CFAP69: variants seen among roughly 807,000 people sequenced by gnomAD.
CFAP69 encodes cilia- and flagella-associated protein 69.
In CFAP69, 92 loss-of-function variants were observed where a neutral mutation model predicts 123.0. The ratio of observed to expected loss-of-function variants is 0.75; its 90% CI spans 0.63 to 0.89. The LOEUF (loss-of-function observed/expected upper bound fraction) is 0.89. Ranked by LOEUF, CFAP69 falls within the 40% of genes least tolerant of loss-of-function variation. The pLI, the probability that CFAP69 is intolerant of heterozygous loss-of-function variation, is 0.00. For missense variants in CFAP69, 1,067 were observed against 1,096.9 expected (o/e 0.97, Z 0.39); for synonymous variants, 380 against 364.3 (o/e 1.04, Z -0.49).
At chr7:90,288,624 T>C (rs1374329706) in intron 15 of CFAP69, among the ~76,000 whole-genome samples, 1 of 152,060 alleles carries the variant, frequency 6.6e-6, no homozygotes, top group Admixed American at 6.6e-5. Context: ...TAAACATACC[T>C]AAACATTAAA....
chr7:90,310,727 G>T lies in CFAP69; in HGVS notation c.*489G>T, dbSNP rs1193821359. The T allele has an allele frequency of 6.6e-6, 1 of 152,456 alleles. No homozygotes were observed. Among genetic ancestry groups the T allele is most frequent in the East Asian group, 1.9e-4 (1 of 5,208 alleles). The allele number at this position is 152,456 out of a possible 1,614,324, so 9.4% of individuals were successfully genotyped here. On this transcript the variant is annotated 3_prime_UTR_variant, in exon 23 of 23. Transcript: ENST00000389297. ...TTTCTGCAGCTGCCTATGCATCTCA[G>T]GACCCCTGATTGCCCACATGCCTAC...
chr7:90,306,198 C>T (rs138936020), intron 19 of CFAP69, among the ~76,000 whole-genome samples: 253 of 152,126 alleles, frequency 1.7e-3, no homozygotes, highest in African/African-American at 5.5e-3. Context: ...GTGATCCACC[C>T]ACTCCATTCA....
chr7:90,245,255 A>G lies in CFAP69; in HGVS notation c.-170A>G. 1 of 823,932 alleles carries G rather than the reference A, an allele frequency of 1.2e-6. No homozygotes were observed. The highest frequency in any genetic ancestry group is 1.7e-6 in the Non-Finnish European group (1 of 586,316). The allele number at this position is 823,932 out of a possible 1,614,324, so 51.0% of individuals were successfully genotyped here. On this transcript the variant is annotated 5_prime_UTR_variant, in exon 1 of 23. Transcript: ENST00000389297. ...GGGGGGCGGCAGCGGCGCTAAGCGG[A>G]CTGTATGGCGGTGGCCTAGGCCCCT... is the stretch of plus-strand genomic sequence containing the variant.
the CFAP69 span, among the ~76,000 whole-genome samples, chr7:90,323,254 C>T: frequency 9.9e-5 from 15 of 152,052 alleles, no homozygotes; most frequent in Admixed American, 9.8e-4. Flanking sequence ...CAAATAGAAT[C>T]TGGCAAAATG....
intron 5 of CFAP69, among the ~76,000 whole-genome samples, chr7:90,267,210 T>A (rs551074545): frequency 2.0e-5 from 3 of 152,298 alleles, no homozygotes; most frequent in Admixed American, 2.0e-4. Context: ...TTAAGTGATA[T>A]CTTTTGCAGA....
At chr7:90,323,179 C>T in the CFAP69 span, among the ~76,000 whole-genome samples, 39 of 152,184 alleles carry the variant, frequency 2.6e-4, no homozygotes, top group African/African-American at 9.1e-4. Context: ...GTGTCTACCC[C>T]CAAGTCAGTG....
At position 90,273,660 on chromosome 7, in the gene CFAP69, A is replaced by G. The variant is rs17865126; in HGVS notation, c.861-327A>G. On this transcript the variant is annotated intron_variant, in intron 8 of 22. Transcript: ENST00000389297. ...TAAAGTACCGTAAACTGGGTGGTTT[A>G]TAAACAACAGAAAGTTATTTTTCAG... 7.6e-3 allele frequency among the ~76,000 whole-genome samples: 1,159 copies of G among 152,328 alleles called. 13 individuals are homozygous for G. Among genetic ancestry groups the G allele is most frequent in the African/African-American group, 0.026 (1,063 of 41,568 alleles).
chr7:90,268,450 C>A, intron 6 of CFAP69, 66 bp downstream of exon 6: 1 of 1,221,884 alleles, frequency 8.2e-7, no homozygotes, highest in Non-Finnish European at 1.2e-6. Flanking sequence ...TCTCATATCT[C>A]TTTGAATTTG....
intron 17 of CFAP69, chr7:90,300,292 C>G (rs1247544252): frequency 2.4e-6 from 2 of 840,874 alleles, no homozygotes; most frequent in African/African-American, 8.2e-5. Context: ...TAATTATATT[C>G]TTTTAACTAA....
At chr7:90,270,119 A>G (rs1435378042) in intron 6 of CFAP69, 1 of 152,190 alleles carries the variant, frequency 6.6e-6, no homozygotes, top group Non-Finnish European at 1.5e-5. Flanking sequence ...AGTGATGGGT[A>G]TGGCCAGACA....
downstream of CFAP69, among the ~76,000 whole-genome samples, chr7:90,311,760 G>A (rs186478273): frequency 1.3e-5 from 2 of 152,180 alleles, no homozygotes; most frequent in Non-Finnish European, 2.9e-5. Flanking sequence ...CCTTAGATTG[G>A]CGGCTTCTCA....
intron 9 of CFAP69, among the ~76,000 whole-genome samples, chr7:90,274,413 G>A (rs1055280442): frequency 6.6e-6 from 1 of 152,096 alleles, no homozygotes; most frequent in Non-Finnish European, 1.5e-5. Flanking sequence ...GAAGAACTTT[G>A]TTTACAATTT....
At chr7:90,279,481 C>T (rs1789113625) in intron 11 of CFAP69, among the ~76,000 whole-genome samples, 196 bp from the exon 12 acceptor site, 2 of 150,934 alleles carry the variant, frequency 1.3e-5, no homozygotes, top group Non-Finnish European at 2.9e-5. Flanking sequence ...GGAGTACATA[C>T]CTCAGAAAAG....
chr7:90,273,944 G>A (rs1244837952), intron 8 of CFAP69, 43 bp from the exon 9 acceptor site: 2 of 1,442,316 alleles, frequency 1.4e-6, no homozygotes, highest in South Asian at 1.3e-5. Flanking sequence ...CAAACATTTA[G>A]TGTATAACAA....
chr7:90,271,459 T>C (rs1799937976), intron 6 of CFAP69, 67 bp from the exon 7 acceptor site: 1 of 1,455,182 alleles, frequency 6.9e-7, no homozygotes, highest in African/African-American at 1.4e-5. Flanking sequence ...AATAAATTAC[T>C]CATTCTTTTG....
chr7:90,246,484 TGGTC>T (rs1167528495), intron 1 of CFAP69, among the ~76,000 whole-genome samples: 1 of 152,040 alleles, frequency 6.6e-6, no homozygotes, highest in African/African-American at 2.4e-5. Flanking sequence ...TCCTTGGGAG[TGGTC>T]AGTTGACTGG....
At chr7:90,309,412 T>C (rs1452238372) in intron 22 of CFAP69, 45 bp downstream of exon 22, 1 of 1,145,058 alleles carries the variant, frequency 8.7e-7, no homozygotes, top group Admixed American at 2.3e-5. Context: ...ACATTAAATT[T>C]AGAGTGTTTG....
the CFAP69 span, chr7:90,317,786 T>C: frequency 6.6e-6 from 1 of 152,184 alleles, no homozygotes; most frequent in Non-Finnish European, 1.5e-5. Context: ...AGTTCGTTAC[T>C]TGTTCAGTAT....
In CFAP69 at chr7:90,271,625, T is replaced by C. The variant is rs200133282; in HGVS notation, c.632T>C (p.Leu211Pro). The stretch of plus-strand genomic sequence containing the variant: ...TCAATGACCTTGCTTGAAAATCAAC[T>C]TGTTGAGAAACTTTGGGTACTTAAA... ...VQSMTLLENQ[L>P]VEKLWVLKVL... is the part of the protein sequence containing the mutation. Residue 211 changes from leucine (L) to proline (P), a missense_variant, in exon 7 of 23, where the codon CTT becomes CCT. Physicochemically the swap from Leu to Pro is moderately conservative, Grantham distance 98 (BLOSUM62 -3). Transcript: ENST00000389297. 40 of 1,613,624 alleles carry C rather than the reference T, an allele frequency of 2.5e-5. No individual in the cohort carries two copies. In the African/African-American group the frequency reaches 4.9e-4, roughly 20 times the overall value.
Sources: allele counts gnomAD v4.1 joint callset (sites outside exome capture counted in the v4.1 genomes callset), GRCh38; gene constraint gnomAD v4.1.1; transcripts MANE v1.5; gene names NCBI Gene and HGNC (gene_info 2026-07-23, HGNC 2026-07-21).